Variants in ACVR1C observed in about 807,000 individuals in gnomAD.
The protein encoded by ACVR1C is activin A receptor type 1C.
ACVR1C carries 23 observed loss-of-function variants against 57.9 expected under a neutral mutation model. The ratio of observed to expected loss-of-function variants is 0.40; its 90% CI spans 0.29 to 0.56. The LOEUF is 0.56. Among genes scored for constraint, ACVR1C ranks in the 20% least tolerant of loss-of-function variants. The pLI, the probability that ACVR1C is intolerant of heterozygous loss-of-function variation, is 0.50. For missense variants in ACVR1C, 480 were observed against 607.9 expected, an observed-to-expected ratio of 0.79 and a Z score of 2.21; for synonymous variants, 214 against 215.3, an observed-to-expected ratio of 0.99 and a Z score of 0.05.
intron 1 of ACVR1C, among the ~76,000 whole-genome samples, chr2:157,624,723 G>A (rs987896435): frequency 6.6e-6 from 1 of 152,160 alleles, no homozygotes; most frequent in Non-Finnish European, 1.5e-5. Context: ...GAACAGGCGA[G>A]GGTTTTAGAG....
At chr2:157,621,366 A>T (rs1395935821) in intron 1 of ACVR1C, among the ~76,000 whole-genome samples, 1 of 152,106 alleles carries the variant, frequency 6.6e-6, no homozygotes. Flanking sequence ...GAAGGAGCAA[A>T]GTGTTGGCTT....
intron 8 of ACVR1C, among the ~76,000 whole-genome samples, chr2:157,536,072 A>C (rs1283179308): frequency 6.6e-6 from 1 of 152,242 alleles, no homozygotes; most frequent in East Asian, 1.9e-4. Flanking sequence ...CAAATTAGAC[A>C]TATCTGAAGG....
At chr2:157,593,717 CT>C (rs1231225757) in intron 1 of ACVR1C, among the ~76,000 whole-genome samples, 1 of 152,136 alleles carries the variant, frequency 6.6e-6, no homozygotes, top group African/African-American at 2.4e-5. Flanking sequence ...ATCTAGCTTC[CT>C]TTTCTATTCC....
At chr2:157,583,622 T>G (rs577524339) in intron 2 of ACVR1C, among the ~76,000 whole-genome samples, 2 of 152,294 alleles carry the variant, frequency 1.3e-5, no homozygotes, top group African/African-American at 4.8e-5. Context: ...CAATACTTAC[T>G]ATAAAACTAC....
intron 4 of ACVR1C, among the ~76,000 whole-genome samples, chr2:157,548,426 T>C (rs1687822428): frequency 6.7e-6 from 1 of 148,910 alleles, no homozygotes; most frequent in South Asian, 2.2e-4. Flanking sequence ...TGGAAAAAAC[T>C]ACTTTAAAGT....
At chr2:157,614,411 C>G (rs968552076) in intron 1 of ACVR1C, among the ~76,000 whole-genome samples, 1 of 152,100 alleles carries the variant, frequency 6.6e-6, no homozygotes, top group African/African-American at 2.4e-5. Flanking sequence ...TTGTTCTATG[C>G]CCCCACAATA....
intron 1 of ACVR1C, among the ~76,000 whole-genome samples, chr2:157,603,945 G>T (rs1296363941): frequency 6.6e-6 from 1 of 152,036 alleles, no homozygotes; most frequent in Non-Finnish European, 1.5e-5. Context: ...TAAAAGAAAA[G>T]CATCCATCTG....
intron 2 of ACVR1C, among the ~76,000 whole-genome samples, chr2:157,565,950 G>A (rs1175169776): frequency 6.6e-6 from 1 of 152,164 alleles, no homozygotes; most frequent in East Asian, 1.9e-4. Context: ...TATAATCGCT[G>A]TCATAAAAAG....
intron 2 of ACVR1C, among the ~76,000 whole-genome samples, chr2:157,564,703 C>A (rs1426221253): frequency 6.6e-6 from 1 of 152,138 alleles, no homozygotes; most frequent in Non-Finnish European, 1.5e-5. Flanking sequence ...ATGGCACCAA[C>A]CCCAATGCCC....
intron 1 of ACVR1C, among the ~76,000 whole-genome samples, chr2:157,627,686 A>G (rs1178028103): frequency 1.3e-5 from 2 of 152,238 alleles, no homozygotes; most frequent in Non-Finnish European, 2.9e-5. Context: ...CCAGATTTTT[A>G]TGTGCAAATG....
intron 1 of ACVR1C, among the ~76,000 whole-genome samples, chr2:157,624,619 G>C (rs780366276): frequency 2.0e-5 from 3 of 152,136 alleles, no homozygotes; most frequent in Non-Finnish European, 4.4e-5. Context: ...AGAAAACTAG[G>C]TATCCTTTCA....
chr2:157,599,555 A>T (rs1338119139), intron 1 of ACVR1C, among the ~76,000 whole-genome samples: 1 of 152,090 alleles, frequency 6.6e-6, no homozygotes, highest in African/African-American at 2.4e-5. Context: ...CACAAATCTT[A>T]ACACTGTATT....
chr2:157,597,212 C>T (rs1682146516), intron 1 of ACVR1C: 1 of 428,420 alleles, frequency 2.3e-6, no homozygotes, highest in Non-Finnish European at 3.1e-6. Flanking sequence ...GCGACGCGGC[C>T]CTGCATGTGC....
Position 157,588,276 on chromosome 2 carries a change from C to T in ACVR1C, c.74-859G>A, listed in dbSNP as rs1253677209. On this transcript the variant is annotated intron_variant, in intron 1 of 8. Coordinates refer to ENST00000243349, the MANE Select transcript of ACVR1C (RefSeq NM_145259.3). Reference sequence around the variant, plus strand: ...ACACACACACACACACAAACACATTCACCACTAACTCACATGTCCAAAGTG... The same window carrying T: ...ACACACACACACACACAAACACATTTACCACTAACTCACATGTCCAAAGTG... Among the ~76,000 whole-genome samples, 6 of 151,496 alleles carry T rather than the reference C, an allele frequency of 4.0e-5. No individual in the cohort carries two copies. In the East Asian group the frequency reaches 9.7e-4, roughly 24 times the overall value.
chr2:157,565,354 C>G (rs201680557), intron 2 of ACVR1C, among the ~76,000 whole-genome samples: 1 of 152,104 alleles, frequency 6.6e-6, no homozygotes, highest in African/African-American at 2.4e-5. Flanking sequence ...ACCCCCTCCA[C>G]TCTCCCATCC....
intron 4 of ACVR1C, among the ~76,000 whole-genome samples, chr2:157,545,748 C>A (rs1473541791): frequency 1.3e-5 from 2 of 152,016 alleles, no homozygotes; most frequent in African/African-American, 2.4e-5. Flanking sequence ...ATGTCTTGTG[C>A]ATATTATTAT....
At chr2:157,577,180 T>G (rs1688681873) in intron 2 of ACVR1C, among the ~76,000 whole-genome samples, 2 of 152,176 alleles carry the variant, frequency 1.3e-5, no homozygotes, top group South Asian at 4.1e-4. Flanking sequence ...GAGAATATAT[T>G]TTTACTGCCC....
chr2:157,587,239 G>T lies in ACVR1C; in HGVS notation c.252C>A (p.Thr84=), dbSNP rs767087892. 27 of 1,613,640 alleles carry T rather than the reference G, an allele frequency of 1.7e-5. No individual in the cohort carries two copies. The South Asian group carries it at 1.9e-4, about 11-fold the overall frequency. ...FCHSSNNVTK[T]ECCFTDFCNN... Reference sequence around the variant, plus strand: ...TGCAAAAATCTGTGAAGCAGCATTCGGTTTTGGTAACATTGTTGGAACTAT... The same window carrying T: ...TGCAAAAATCTGTGAAGCAGCATTCTGTTTTGGTAACATTGTTGGAACTAT... The change falls in exon 2 of 9, where the codon ACC becomes ACA. Residue 84 remains threonine, a synonymous_variant. Transcript: ENST00000243349.
intron 2 of ACVR1C, among the ~76,000 whole-genome samples, chr2:157,586,674 A>G (rs531033720): frequency 6.6e-6 from 1 of 152,260 alleles, no homozygotes; most frequent in African/African-American, 2.4e-5. Context: ...GTCGAATTCC[A>G]TTCTGCCTCT....
Sources: allele counts gnomAD v4.1 joint callset (sites outside exome capture counted in the v4.1 genomes callset), GRCh38; gene constraint gnomAD v4.1.1; transcripts MANE v1.5; gene names NCBI Gene and HGNC (gene_info 2026-07-23, HGNC 2026-07-21).